DNAH3: variants seen among roughly 807,000 people sequenced by gnomAD.
DNAH3 encodes the protein dynein axonemal heavy chain 3.
A neutral mutation model predicts 432.5 loss-of-function variants in DNAH3; 332 were observed. The ratio of observed to expected loss-of-function variants is 0.77; its 90% CI spans 0.70 to 0.84. The LOEUF is 0.84. Among genes scored for constraint, DNAH3 ranks in the 40% least tolerant of loss-of-function variants. DNAH3 has a pLI of 0.00. For missense variants in DNAH3, 4,861 were observed against 5,114.0 expected, an observed-to-expected ratio of 0.95 and a Z score of 1.51; for synonymous variants, 1,956 against 1,900.2, an observed-to-expected ratio of 1.03 and a Z score of -0.76.
intron 50 of DNAH3, among the ~76,000 whole-genome samples, chr16:20,978,531 G>A (rs933692697): frequency 6.6e-6 from 1 of 152,110 alleles, no homozygotes; most frequent in East Asian, 1.9e-4. Flanking sequence ...CGTCTCGAAA[G>A]AAATAATTAT....
intron 51 of DNAH3, among the ~76,000 whole-genome samples, chr16:20,974,622 C>T (rs1290966608): frequency 9.8e-6 from 1 of 102,490 alleles, no homozygotes; most frequent in East Asian, 3.4e-4. Context: ...AATCTTGCTA[C>T]GTTTCCCAGG....
chr16:21,103,679 T>C (rs1597382526), intron 16 of DNAH3, among the ~76,000 whole-genome samples: 1 of 152,288 alleles, frequency 6.6e-6, no homozygotes, highest in East Asian at 1.9e-4. Flanking sequence ...ATCCCTGCTT[T>C]TATCTATTCT....
intron 6 of DNAH3, 52 bp downstream of exon 7, chr16:21,136,272 G>C (rs1227630227): frequency 6.6e-7 from 1 of 1,509,422 alleles, no homozygotes; most frequent in Admixed American, 1.9e-5. Flanking sequence ...TAAAAAAGAA[G>C]GTGCCCTCTA....
Position 21,005,515 on chromosome 16 carries a change from A to C in DNAH3, c.6023-2308T>G, listed in dbSNP as rs186822484. On this transcript the variant is annotated intron_variant, in intron 41 of 61. Transcript: ENST00000261383. ...TCTCACAGCCCCCTAAGTAGCTGGGACCACAGGCACACGCCACCGCACCCA... is the reference window on the plus strand; with the variant it reads ...TCTCACAGCCCCCTAAGTAGCTGGGCCCACAGGCACACGCCACCGCACCCA... 7.9e-5 allele frequency among the ~76,000 whole-genome samples: 12 copies of C among 152,074 alleles called. No homozygotes were observed. In the East Asian group the frequency reaches 2.1e-3, roughly 27 times the overall value.
intron 50 of DNAH3, among the ~76,000 whole-genome samples, chr16:20,976,199 A>T (rs1342401260): frequency 6.6e-6 from 1 of 151,620 alleles, no homozygotes; most frequent in African/African-American, 2.4e-5. Flanking sequence ...TTAAGTTAAA[A>T]TATTTTTTCT....
At chr16:21,030,467 C>T (rs945920331) in intron 37 of DNAH3, among the ~76,000 whole-genome samples, 6 of 152,084 alleles carry the variant, frequency 3.9e-5, no homozygotes, top group East Asian at 1.9e-4. Context: ...TGAGTGAAGA[C>T]GCCATCTTGA....
intron 42 of DNAH3, among the ~76,000 whole-genome samples, chr16:21,000,960 T>C (rs758892867): frequency 3.9e-5 from 6 of 152,204 alleles, no homozygotes; most frequent in Admixed American, 2.0e-4. Flanking sequence ...TCCTAGAGCA[T>C]TGCTCTGAAC....
intron 9 of DNAH3, among the ~76,000 whole-genome samples, chr16:21,124,588 T>TTA (rs2092407954): frequency 6.6e-6 from 1 of 152,206 alleles, no homozygotes; most frequent in African/African-American, 2.4e-5. Flanking sequence ...ACAGGATACA[T>TTA]ATAATGTATA....
chr16:21,153,625 G>C (rs969118142), intron 1 of DNAH3, among the ~76,000 whole-genome samples: 5 of 152,178 alleles, frequency 3.3e-5, no homozygotes, highest in African/African-American at 1.2e-4. Flanking sequence ...CTTAATAGCT[G>C]TAACACTCAC....
intron 17 of DNAH3, 91 bp from the exon 18 acceptor site, chr16:21,097,590 C>G: frequency 6.8e-7 from 1 of 1,476,348 alleles, no homozygotes. Context: ...GCCTTGAAAA[C>G]CAAGTGGAGG....
At position 21,049,836 on chromosome 16, in the gene DNAH3, T is replaced by G. The variant is rs528150546; in HGVS notation, c.4347+74A>C. ...TGTTAATGCTAAACCATCTTAAAGT[T>G]GATGCCTACTTCCCACAGGAGGGGT... On this transcript the variant is annotated intron_variant, in intron 30 of 61. Transcript: ENST00000261383. 2.9e-5 allele frequency: 41 copies of G among 1,402,630 alleles called. 1 individual carries two copies. The East Asian group carries it at 5.9e-4, about 20-fold the overall frequency. The allele number at this position is 1,402,630 out of a possible 1,614,324, so 86.9% of individuals were successfully genotyped here.
chr16:21,071,414 T>A (rs1281774694), intron 21 of DNAH3, among the ~76,000 whole-genome samples: 1 of 151,770 alleles, frequency 6.6e-6, no homozygotes. Context: ...CCTCAAGTGA[T>A]CCTCTTGCCT....
intron 41 of DNAH3, among the ~76,000 whole-genome samples, chr16:21,009,419 G>C (rs1385816687): frequency 1.3e-5 from 2 of 152,308 alleles, no homozygotes; most frequent in African/African-American, 4.8e-5. Flanking sequence ...ACGGTGGTAT[G>C]AACAAAGAGA....
Position 21,052,852 on chromosome 16 carries a change from C to A in DNAH3, c.4040-984G>T, listed in dbSNP as rs1336789454. On this transcript the variant is annotated intron_variant, in intron 28 of 61. Coordinates refer to ENST00000261383, the Ensembl canonical transcript of DNAH3. ...TCCTAGGAGAATGCAATCAGCGTGG[C>A]CTTATATAGCAGGGGAAGGAAGCCC... Among the ~76,000 whole-genome samples the A allele has an allele frequency of 2.6e-5, 4 of 152,238 alleles. No individual in the cohort carries two copies. In the East Asian group the frequency reaches 7.7e-4, roughly 29 times the overall value.
chr16:21,138,265 G>C (rs1470132387), intron 5 of DNAH3, among the ~76,000 whole-genome samples: 1 of 151,448 alleles, frequency 6.6e-6, no homozygotes, highest in Non-Finnish European at 1.5e-5. Flanking sequence ...AAAAAGAAAA[G>C]AAAAAGAGGT....
intron 18 of DNAH3, among the ~76,000 whole-genome samples, chr16:21,090,513 A>G (rs1310332097): frequency 3.9e-5 from 6 of 152,334 alleles, no homozygotes; most frequent in Non-Finnish European, 5.9e-5. Flanking sequence ...ATTGGAGTGC[A>G]AGGCTGGTTT....
chr16:21,054,342 C>G (rs755218354), intron 28 of DNAH3, 78 bp downstream of exon 28: 8 of 1,121,380 alleles, frequency 7.1e-6, no homozygotes, highest in Admixed American at 5.8e-5. Context: ...ATTATTCCGT[C>G]CAGGAGAACT....
Position 21,039,153 on chromosome 16 carries a change from T to C in DNAH3, c.4730+699A>G, listed in dbSNP as rs1312558228. On this transcript the variant is annotated intron_variant, in intron 33 of 61. Coordinates refer to ENST00000261383, the Ensembl canonical transcript of DNAH3. ...AACCTAGTTAATTGGAGGCAATAAA[T>C]GTTATATTAATAATTTTTCCTCTTC... Among the ~76,000 whole-genome samples the C allele has an allele frequency of 3.3e-5, 5 of 152,210 alleles. No individual in the cohort carries two copies. The South Asian group carries it at 6.2e-4, about 19-fold the overall frequency.
intron 12 of DNAH3, among the ~76,000 whole-genome samples, chr16:21,112,763 C>T (rs554492777): frequency 6.6e-6 from 1 of 152,224 alleles, no homozygotes; most frequent in African/African-American, 2.4e-5. Flanking sequence ...CCATGCTGCC[C>T]AAGACCATGG....
Sources: gnomAD v4.1 joint callset for allele counts (sites outside exome capture counted in the v4.1 genomes callset) on GRCh38, gnomAD v4.1.1 for gene constraint, MANE v1.5 for transcripts, NCBI Gene and HGNC (gene_info 2026-07-23, HGNC 2026-07-21) for gene names.